Variants in PCDH10 observed in about 807,000 individuals in gnomAD.
The protein encoded by PCDH10 is protocadherin 10, also known as protocadherin-10.
In PCDH10, 15 loss-of-function variants were observed where a neutral mutation model predicts 74.4. That is an observed-to-expected ratio of 0.20 (90% confidence interval 0.13 to 0.31). The LOEUF (loss-of-function observed/expected upper bound fraction) is 0.31. Ranked by LOEUF, PCDH10 falls within the 10% of genes least tolerant of loss-of-function variation. The probability of loss-of-function intolerance (pLI) is 1.00; values close to 1 mark genes in which losing one functional copy is unlikely to be tolerated. For synonymous variants in PCDH10, 619 were observed against 589.8 expected (o/e 1.05, Z -0.72); for missense variants, 1,260 against 1,390.2 (o/e 0.91, Z 1.49).
In PCDH10 at chr4:133,193,339, C is replaced by T. The variant is rs1270476265; in HGVS notation, c.*3179C>T. 13 of 150,920 alleles carry T rather than the reference C, an allele frequency of 8.6e-5. No individual in the cohort carries two copies. Among genetic ancestry groups the T allele is most frequent in the Non-Finnish European group, 3.0e-5 (2 of 67,290 alleles). 9.3% of individuals were successfully genotyped at this position (150,920 alleles called of 1,614,324 possible). On this transcript the variant is annotated 3_prime_UTR_variant, in exon 5 of 5. Transcript: ENST00000264360. The stretch of plus-strand genomic sequence containing the variant: ...TTTTATTTTTTAAAGATATTAAATG[C>T]ACTGCCTTTATCAAACATTGCAAAT...
At position 133,152,643 on chromosome 4, in the gene PCDH10, A is replaced by T. The variant is rs1054066450; in HGVS notation, c.2503A>T (p.Met835Leu). The change falls in exon 1 of 5, where the codon ATG becomes TTG. Residue 835 changes from methionine (M) to leucine (L), a missense_variant. Met to Leu is a conservative substitution (Grantham distance 15). Around this residue, in one of 11 missense-constraint regions of PCDH10, gnomAD observed 587 missense variants for 616.9 expected, o/e 0.95. Transcript: ENST00000264360. ...LTPESAKTDL[M>L]FLKPCSPSRS... ...CCCTGAGTCCGCCAAGACCGACCTGATGTTTCTTAAGCCCTGCAGCCCTTC... is the reference window on the plus strand; with the variant it reads ...CCCTGAGTCCGCCAAGACCGACCTGTTGTTTCTTAAGCCCTGCAGCCCTTC... The T allele has an allele frequency of 4.3e-6, 7 of 1,614,166 alleles. No individual in the cohort carries two copies. The highest frequency in any genetic ancestry group is 5.9e-6 in the Non-Finnish European group (7 of 1,180,040).
At chr4:133,195,142 T>C (rs780180544), downstream of PCDH10, among the ~76,000 whole-genome samples, 17 of 152,088 alleles carry the variant, frequency 1.1e-4, no homozygotes, top group Non-Finnish European at 2.2e-4. Flanking sequence ...AGATACTTTT[T>C]ACAATATGAA....
intron 3 of PCDH10, among the ~76,000 whole-genome samples, chr4:133,157,741 C>T (rs1726894859): frequency 6.6e-6 from 1 of 152,078 alleles, no homozygotes; most frequent in South Asian, 2.1e-4. Flanking sequence ...TCTACATTAA[C>T]ATTATTCTGT....
At chr4:133,177,840 G>A (rs1228931678) in intron 4 of PCDH10, among the ~76,000 whole-genome samples, 4 of 151,998 alleles carry the variant, frequency 2.6e-5, no homozygotes, top group South Asian at 2.1e-4. Context: ...ACAGAGGAAC[G>A]TGATATTTAA....
Position 133,152,343 on chromosome 4 carries a change from G to C in PCDH10, c.2203G>C (p.Val735Leu), listed in dbSNP as rs751358007. 6.2e-7 allele frequency: 1 copy of C among 1,614,220 alleles called. No homozygotes were observed. Among genetic ancestry groups the C allele is most frequent in the Admixed American group, 1.7e-5 (1 of 60,030 alleles). Residue 735 changes from valine (V) to leucine (L), a missense_variant, in exon 1 of 5, where the codon GTG becomes CTG. Transcript: ENST00000264360. ...VSFIFLLAMIVLAVRCQKEKK... is the reference protein window; with the variant it reads ...VSFIFLLAMILLAVRCQKEKK... ...CTTCATCTTCCTGCTGGCCATGATC[G>C]TGCTGGCCGTGCGTTGCCAAAAAGA...
At position 133,179,749 on chromosome 4, in the gene PCDH10, G is replaced by A. The variant is rs565263574; in HGVS notation, c.3104-10392G>A. ...CTGGACTGTAAAATCTTTTAGAGCTGAATCATTTGCTCCATTTAAGGGTCC... is the reference window on the plus strand; with the variant it reads ...CTGGACTGTAAAATCTTTTAGAGCTAAATCATTTGCTCCATTTAAGGGTCC... On this transcript the variant is annotated intron_variant, in intron 4 of 4. Coordinates refer to ENST00000264360, the MANE Select transcript of PCDH10 (RefSeq NM_032961.3). Among the ~76,000 whole-genome samples the A allele has an allele frequency of 5.9e-5, 9 of 152,146 alleles. 1 individual carries two copies. Among genetic ancestry groups the A allele is most frequent in the African/African-American group, 1.7e-4 (7 of 41,530 alleles).
rs796925758 is a variant in PCDH10 at position 133,149,941 on chromosome 4, TA to T, written c.-191del. 1,304 of 607,456 alleles carry T rather than the reference TA, an allele frequency of 2.1e-3. 2 individuals are homozygous for T. Among genetic ancestry groups the T allele is most frequent in the East Asian group, 0.014 (413 of 30,576 alleles). The allele number at this position is 607,456 out of a possible 1,614,324, so 37.6% of individuals were successfully genotyped here. ...CTGTCACCCTTCCTGTGCTAAGATT[TA>T]AAAAAAAATGAGGCTGGATTGCGGG... On this transcript the variant is annotated 5_prime_UTR_variant, in exon 1 of 5. The change creates a new upstream start codon in the 5' untranslated region. Coordinates refer to ENST00000264360, the MANE Select transcript of PCDH10 (RefSeq NM_032961.3).
At chr4:133,167,483 C>T (rs1341003402) in intron 4 of PCDH10, among the ~76,000 whole-genome samples, 1 of 151,358 alleles carries the variant, frequency 6.6e-6, no homozygotes, top group Non-Finnish European at 1.5e-5. Context: ...TTGTGTTTTC[C>T]TCTAATGTCT....
At chr4:133,202,007 T>A (rs1727918291) in intron 2 of PCDH10, among the ~76,000 whole-genome samples, 1 of 152,024 alleles carries the variant, frequency 6.6e-6, no homozygotes, top group Non-Finnish European at 1.5e-5. Flanking sequence ...AGGCAGCACA[T>A]AATATTGGGC....
Position 133,190,261 on chromosome 4 carries a change from A to G in PCDH10, c.*101A>G, listed in dbSNP as rs1727632967. 3.0e-6 allele frequency: 3 copies of G among 1,010,740 alleles called. No individual in the cohort carries two copies. Among genetic ancestry groups the G allele is most frequent in the Admixed American group, 1.7e-5 (1 of 57,652 alleles). The allele number at this position is 1,010,740 out of a possible 1,614,324, so 62.6% of individuals were successfully genotyped here. On this transcript the variant is annotated 3_prime_UTR_variant, in exon 5 of 5. Coordinates refer to ENST00000264360, the MANE Select transcript of PCDH10 (RefSeq NM_032961.3). ...CATTATCTTGGCCATCCAGTTAGTC[A>G]TGTGTAACTGAGTATTAGATTTCGG...
chr4:133,197,479 T>C (rs1450705061), downstream of PCDH10, among the ~76,000 whole-genome samples: 1 of 152,146 alleles, frequency 6.6e-6, no homozygotes, highest in Non-Finnish European at 1.5e-5. Context: ...CAATTAAAAG[T>C]TTTATCTCCT....
chr4:133,182,036 T>C (rs1000955509), intron 4 of PCDH10, among the ~76,000 whole-genome samples: 2 of 152,142 alleles, frequency 1.3e-5, no homozygotes, highest in African/African-American at 4.8e-5. Flanking sequence ...GAAGGTCTTA[T>C]TATTTGCCTG....
chr4:133,170,065 A>T (rs1267991196), intron 4 of PCDH10, among the ~76,000 whole-genome samples: 6 of 152,004 alleles, frequency 3.9e-5, no homozygotes, highest in Non-Finnish European at 2.9e-5. Context: ...AGCTTGACCT[A>T]CTTCAATTTA....
At chr4:133,198,357 G>A (rs1289355315), downstream of PCDH10, among the ~76,000 whole-genome samples, 2 of 152,170 alleles carry the variant, frequency 1.3e-5, no homozygotes, top group South Asian at 4.1e-4. Flanking sequence ...ACATACATAA[G>A]TTAAAACAAG....
chr4:133,151,453 G>T lies in PCDH10; in HGVS notation c.1313G>T (p.Arg438Leu). 2 of 1,613,516 alleles carry T rather than the reference G, an allele frequency of 1.2e-6. No homozygotes were observed. The highest frequency in any genetic ancestry group is 1.7e-6 in the Non-Finnish European group (2 of 1,179,976). The change falls in exon 1 of 5, where the codon CGG (arginine) becomes CTG (leucine). Residue 438 changes from arginine (R) to leucine (L), a missense_variant. Around this residue, in one of 11 missense-constraint regions of PCDH10, gnomAD observed 112 missense variants for 123.6 expected, o/e 0.91. Coordinates refer to ENST00000264360, the MANE Select transcript of PCDH10 (RefSeq NM_032961.3). ...SYTLTVVARD[R>L]GEPALSTSKS... ...ACCCTGACTGTAGTGGCTCGGGACC[G>T]GGGCGAGCCTGCGCTCTCCACCAGT...
chr4:133,203,891 T>C (rs1451110778), intron 2 of PCDH10, among the ~76,000 whole-genome samples: 1 of 152,152 alleles, frequency 6.6e-6, no homozygotes, highest in Non-Finnish European at 1.5e-5. Context: ...GTAAGGTCAT[T>C]TTGACTGTGA....
chr4:133,199,056 C>T (rs1218110016), downstream of PCDH10, among the ~76,000 whole-genome samples: 2 of 151,822 alleles, frequency 1.3e-5, no homozygotes, highest in Non-Finnish European at 2.9e-5. Flanking sequence ...ATGAGGTGGA[C>T]GGATCGCTTG....
At chr4:133,152,863 T>C in intron 1 of PCDH10, 92 bp downstream of exon 1, 1 of 1,547,140 alleles carries the variant, frequency 6.5e-7, no homozygotes, top group East Asian at 2.3e-5. Context: ...GCACTGTATC[T>C]ATTTTTAGGA....
intron 3 of PCDH10, among the ~76,000 whole-genome samples, chr4:133,160,124 A>C (rs1306224675): frequency 6.6e-6 from 1 of 151,888 alleles, no homozygotes; most frequent in Non-Finnish European, 1.5e-5. Context: ...ACTTATCTGA[A>C]GTTTATTGAT....
Sources: gnomAD v4.1 joint callset for allele counts (sites outside exome capture counted in the v4.1 genomes callset) on GRCh38, gnomAD v4.1.1 for gene constraint, gnomAD v4.1.1 regional missense constraint, MANE v1.5 for transcripts, NCBI Gene and HGNC (gene_info 2026-07-23, HGNC 2026-07-21) for gene names.